Variants in NOD1 observed in about 807,000 individuals in gnomAD.
NOD1 encodes the protein nucleotide-binding oligomerization domain-containing protein 1.
A neutral mutation model predicts 81.2 loss-of-function variants in NOD1; 70 were observed. The ratio of observed to expected loss-of-function variants is 0.86; its 90% CI spans 0.71 to 1.05. NOD1 has a LOEUF of 1.05. NOD1 is among the 50% of genes least tolerant of loss of function. The pLI, the probability that NOD1 is intolerant of heterozygous loss-of-function variation, is 0.00. For missense variants in NOD1, 1,233 were observed against 1,228.0 expected (o/e 1.00, Z -0.06); for synonymous variants, 508 against 526.9 (o/e 0.96, Z 0.49).
chr7:30,457,006 C>T lies in NOD1; in HGVS notation c.-85G>A. On this transcript the variant is annotated 5_prime_UTR_variant, in exon 4 of 14. Coordinates refer to ENST00000222823, the MANE Select transcript of NOD1 (RefSeq NM_006092.4). Reference sequence around the variant, plus strand: ...AGCAGAAGGGCAATCAGGATTCAGGCCGCGCCCTCCAGGGCCCCTGCTACT... The same window carrying T: ...AGCAGAAGGGCAATCAGGATTCAGGTCGCGCCCTCCAGGGCCCCTGCTACT... 1 of 1,166,662 alleles carries T rather than the reference C, an allele frequency of 8.6e-7. No homozygotes were observed. Among genetic ancestry groups the T allele is most frequent in the Non-Finnish European group, 1.3e-6 (1 of 783,114 alleles). The allele number at this position is 1,166,662 out of a possible 1,614,324, so 72.3% of individuals were successfully genotyped here.
In NOD1 at chr7:30,456,759, C is replaced by T. The variant is rs1243444671; in HGVS notation, c.163G>A (p.Ala55Thr). 2 of 1,614,192 alleles carry T rather than the reference C, an allele frequency of 1.2e-6. No homozygotes were observed. The highest frequency in any genetic ancestry group is 1.7e-6 in the Non-Finnish European group (2 of 1,180,044). Reference sequence around the variant, plus strand: ...GTGGGGCAGGCACACACAATCTCCGCATCTTCGGCCGAGAAGTAGTCATTC... The same window carrying T: ...GTGGGGCAGGCACACACAATCTCCGTATCTTCGGCCGAGAAGTAGTCATTC... ...LKNDYFSAED[A>T]EIVCACPTQP... Residue 55 changes from alanine to threonine, a missense_variant, in exon 4 of 14, where the codon GCG (alanine) becomes ACG (threonine). Ala to Thr is a moderately conservative substitution (Grantham distance 58). Transcript: ENST00000222823.
intron 5 of NOD1, 67 bp downstream of exon 5, chr7:30,455,070 C>G: frequency 6.6e-7 from 1 of 1,512,374 alleles, no homozygotes; most frequent in Non-Finnish European, 9.1e-7. Flanking sequence ...GCTGGCCCAG[C>G]CATTACCAAA....
At chr7:30,433,578 G>C (rs1784133806) in intron 11 of NOD1, among the ~76,000 whole-genome samples, 1 of 152,172 alleles carries the variant, frequency 6.6e-6, no homozygotes. Context: ...TTAGTTTGAA[G>C]ACCTGAAACA....
intron 4 of NOD1, 92 bp from the exon 5 acceptor site, chr7:30,455,403 A>G: frequency 1.0e-6 from 1 of 984,402 alleles, no homozygotes; most frequent in East Asian, 2.5e-5. Flanking sequence ...CAGGGCTCTG[A>G]GTTCTTAGTA....
At chr7:30,432,654 C>G (rs1053881155) in intron 12 of NOD1, among the ~76,000 whole-genome samples, 6 of 152,224 alleles carry the variant, frequency 3.9e-5, no homozygotes, top group African/African-American at 1.4e-4. Flanking sequence ...TTCACAGTAG[C>G]ATTACGCATA....
chr7:30,451,501 T>G lies in NOD1; in HGVS notation c.1916A>C (p.Gln639Pro). ...RGYLKSLPRV[Q>P]VESFNQVQAM... ...CTGCACCTGGTTGAAGCTTTCGACC[T>G]GAACGCGGGGCAGGCTCTTCAGGTA... Residue 639 changes from glutamine (Q) to proline (P), a missense_variant, in exon 6 of 14, where the codon CAG (glutamine) becomes CCG (proline). Coordinates refer to ENST00000222823, the MANE Select transcript of NOD1 (RefSeq NM_006092.4). This position sits in a 1 kb window ranked among gnomAD's most constrained non-coding sequence, Gnocchi z 4.2. 6.2e-7 allele frequency: 1 copy of G among 1,613,162 alleles called. No individual in the cohort carries two copies.
Position 30,478,466 on chromosome 7 carries a change from T to A in NOD1, c.-352+140A>T, listed in dbSNP as rs1789013044. 6.6e-6 allele frequency: 1 copy of A among 152,278 alleles called. No individual in the cohort carries two copies. Among genetic ancestry groups the A allele is most frequent in the African/African-American group, 2.4e-5 (1 of 41,466 alleles). The allele number at this position is 152,278 out of a possible 1,614,324, so 9.4% of individuals were successfully genotyped here. On this transcript the variant is annotated intron_variant, in intron 1 of 13. Transcript: ENST00000222823. The surrounding 1 kb of genome is among the most constrained non-coding windows in gnomAD (Gnocchi z 4.1). ...CTTCAAACTCGCGGGTTTCTCCGCT[T>A]GGTTCCACCCAGAGCTCCTCCAGAG...
chr7:30,469,210 C>G (rs1266151739), intron 1 of NOD1: 3 of 985,302 alleles, frequency 3.0e-6, no homozygotes, highest in Non-Finnish European at 3.6e-6. Flanking sequence ...CATGCCAGAA[C>G]ACTATAGGCA....
At chr7:30,430,315 C>T (rs1783835924) in intron 12 of NOD1, among the ~76,000 whole-genome samples, 1 of 152,194 alleles carries the variant, frequency 6.6e-6, no homozygotes, top group African/African-American at 2.4e-5. Context: ...AAGTTTTCAG[C>T]TATCGCTAGG....
chr7:30,454,995 G>C (rs1786188615), intron 5 of NOD1, 142 bp downstream of exon 5: 15 of 782,664 alleles, frequency 1.9e-5, no homozygotes, highest in African/African-American at 3.5e-5. Context: ...TGGGAGACAG[G>C]ATTCAGCTGT....
intron 9 of NOD1, among the ~76,000 whole-genome samples, chr7:30,438,257 C>G (rs908224897): frequency 2.2e-4 from 34 of 152,346 alleles, no homozygotes; most frequent in African/African-American, 7.2e-4. Flanking sequence ...CTGTCCCCTA[C>G]AGCAGATCCG....
chr7:30,457,752 G>A (rs929884086), intron 3 of NOD1, among the ~76,000 whole-genome samples: 26 of 152,150 alleles, frequency 1.7e-4, no homozygotes, highest in Non-Finnish European at 3.4e-4. Context: ...GTGGGAGACG[G>A]TCTCAGCACA....
rs142802342 is a variant in NOD1 at position 30,451,958 on chromosome 7, C to T, written c.1459G>A (p.Gly487Arg). 2.0e-5 allele frequency: 33 copies of T among 1,613,488 alleles called. No homozygotes were observed. In the African/African-American group the frequency reaches 3.1e-4, roughly 15 times the overall value. Residue 487 changes from glycine to arginine, a missense_variant, in exon 6 of 14, where the codon GGG becomes AGG. Transcript: ENST00000222823. The surrounding 1 kb of genome is among the most constrained non-coding windows in gnomAD (Gnocchi z 4.2). The stretch of plus-strand genomic sequence containing the variant: ...AGCTGCATGTCTCTCTCCTGCAGCC[C>T]GGAGGCCTGCACCTCCTCCTGGGTG... ...VFTQEEVQAS[G>R]LQERDMQLGF...
intron 1 of NOD1, chr7:30,468,771 C>A: frequency 1.0e-6 from 1 of 963,756 alleles, no homozygotes; most frequent in Non-Finnish European, 1.2e-6. Context: ...TCTGAATTCT[C>A]CTTTAGGAAA....
At chr7:30,474,605 A>G (rs918778831) in intron 1 of NOD1, among the ~76,000 whole-genome samples, 2 of 152,234 alleles carry the variant, frequency 1.3e-5, no homozygotes, top group African/African-American at 4.8e-5. Context: ...TTCCCCTCGC[A>G]TGAGAATCTG....
chr7:30,436,556 G>C (rs978940085), intron 10 of NOD1, among the ~76,000 whole-genome samples: 1 of 151,210 alleles, frequency 6.6e-6, no homozygotes, highest in Non-Finnish European at 1.5e-5. Context: ...CAGCCTAAGC[G>C]GGGGCTGGGT....
In NOD1 at chr7:30,433,103, G is replaced by A; in HGVS notation, c.2698C>T (p.His900Tyr). ...TAAGGCTCTCTGAGTTACCATAAAT[G>A]CTTTAACGTCTGGTTGACTTTCAAC... ...EMLKVNQTLK[H>Y]LWLIQNQITA... The change falls in exon 12 of 14, where the codon CAT (histidine) becomes TAT (tyrosine). Residue 900 changes from histidine to tyrosine, a missense_variant. Physicochemically the swap from His to Tyr is moderately conservative, Grantham distance 83 (BLOSUM62 2). Transcript: ENST00000222823. 2 of 1,610,926 alleles carry A rather than the reference G, an allele frequency of 1.2e-6. No homozygotes were observed. Among genetic ancestry groups the A allele is most frequent in the Non-Finnish European group, 1.7e-6 (2 of 1,177,142 alleles).
Position 30,452,625 on chromosome 7 carries a change from G to T in NOD1, c.792C>A (p.Asp264Glu). 1 of 1,613,726 alleles carries T rather than the reference G, an allele frequency of 6.2e-7. No individual in the cohort carries two copies. Among genetic ancestry groups the T allele is most frequent in the Non-Finnish European group, 8.5e-7 (1 of 1,180,032 alleles). The change falls in exon 6 of 14, where the codon GAC (aspartate) becomes GAA (glutamate). Residue 264 changes from aspartate to glutamate, a missense_variant. By Grantham distance (45) the Asp-to-Glu change is conservative. Coordinates refer to ENST00000222823, the MANE Select transcript of NOD1 (RefSeq NM_006092.4). Reference sequence around the variant, plus strand: ...GCAGGAAGGCAAACACCTCCTCGGGGTCCCGCTCTGGGTAGCAGTAGTGCT... The same window carrying T: ...GCAGGAAGGCAAACACCTCCTCGGGTTCCCGCTCTGGGTAGCAGTAGTGCT... ...LFKHYCYPER[D>E]PEEVFAFLLR... is the part of the protein sequence containing the mutation.
At chr7:30,438,041 G>C (rs1384878892) in intron 9 of NOD1, among the ~76,000 whole-genome samples, 1 of 152,258 alleles carries the variant, frequency 6.6e-6, no homozygotes, top group Non-Finnish European at 1.5e-5. Context: ...GGAAGGCCGT[G>C]TGCAGGTGCT....
Sources: allele counts gnomAD v4.1 joint callset (sites outside exome capture counted in the v4.1 genomes callset), GRCh38; gene constraint gnomAD v4.1.1; non-coding constraint Gnocchi (gnomAD v3.1); transcripts MANE v1.5; gene names NCBI Gene and HGNC (gene_info 2026-07-23, HGNC 2026-07-21).